MAGI2: variants seen among roughly 807,000 people sequenced by gnomAD.
The protein encoded by MAGI2 is membrane associated guanylate kinase, WW and PDZ domain containing 2, also known as membrane-associated guanylate kinase, WW and PDZ domain-containing protein 2.
Under a neutral mutation model 133.3 loss-of-function variants are expected in MAGI2, and 35 were observed. The ratio of observed to expected loss-of-function variants is 0.26; its 90% CI spans 0.20 to 0.35. MAGI2 has a LOEUF of 0.35. Ranked by LOEUF, MAGI2 falls within the 10% of genes least tolerant of loss-of-function variation. The pLI is 1.00. For missense variants in MAGI2, 1,636 were observed against 1,863.4 expected (o/e 0.88, Z 2.25); for synonymous variants, 729 against 710.6 (o/e 1.03, Z -0.41).
intron 20 of MAGI2, among the ~76,000 whole-genome samples, chr7:78,119,087 A>C (rs1187600396): frequency 6.6e-6 from 1 of 152,240 alleles, no homozygotes; most frequent in Non-Finnish European, 1.5e-5. Flanking sequence ...GATTCCAACT[A>C]TATGACATGG....
At chr7:78,869,213 A>C (rs1377456608) in intron 2 of MAGI2, among the ~76,000 whole-genome samples, 7 of 152,112 alleles carry the variant, frequency 4.6e-5, no homozygotes, top group African/African-American at 1.7e-4. Flanking sequence ...GCTGTGCAGA[A>C]GCTTTTTAGT....
intron 18 of MAGI2, among the ~76,000 whole-genome samples, chr7:78,132,553 ATACT>A (rs1325605026): frequency 1.3e-5 from 2 of 152,238 alleles, no homozygotes; most frequent in Non-Finnish European, 2.9e-5. Flanking sequence ...TCCATCGTGC[ATACT>A]GCAGGCTTGC....
At chr7:78,972,135 T>C (rs997639565) in intron 2 of MAGI2, among the ~76,000 whole-genome samples, 1 of 151,942 alleles carries the variant, frequency 6.6e-6, no homozygotes, top group African/African-American at 2.4e-5. Flanking sequence ...AAATAGCATA[T>C]AATTTTCAGT....
intron 9 of MAGI2, among the ~76,000 whole-genome samples, chr7:78,341,161 C>T (rs1217255925): frequency 6.6e-6 from 1 of 152,042 alleles, no homozygotes; most frequent in Non-Finnish European, 1.5e-5. Flanking sequence ...TTCCTATACA[C>T]CAATAATAGA....
chr7:78,288,729 C>G (rs374202215), intron 9 of MAGI2, among the ~76,000 whole-genome samples: 1 of 152,164 alleles, frequency 6.6e-6, no homozygotes, highest in Non-Finnish European at 1.5e-5. Context: ...CTCGTGCAGC[C>G]GGGTGCCCCT....
At chr7:79,395,113 T>A (rs1468841979) in intron 1 of MAGI2, among the ~76,000 whole-genome samples, 2 of 152,190 alleles carry the variant, frequency 1.3e-5, no homozygotes, top group Non-Finnish European at 2.9e-5. Context: ...CAGCTTCTTT[T>A]AATGGGTTAT....
rs74514103 is a variant in MAGI2, at chr7:78,816,342, G to A, written c.419-189103C>T. 7.7e-3 allele frequency among the ~76,000 whole-genome samples: 1,180 copies of A among 152,318 alleles called. 40 individuals carry two copies. The highest frequency in any genetic ancestry group is 0.051 in the Admixed American group (775 of 15,302). ...TCAAGGTAAAGCACCAAGTGCCGAT[G>A]TAAAGCTGTAGCAAGTTACTCAAGT... On this transcript the variant is annotated intron_variant, in intron 2 of 21. Coordinates refer to ENST00000354212, the MANE Select transcript of MAGI2 (RefSeq NM_012301.4).
At chr7:79,210,193 A>T (rs1442753172) in intron 1 of MAGI2, among the ~76,000 whole-genome samples, 1 of 152,104 alleles carries the variant, frequency 6.6e-6, no homozygotes, top group African/African-American at 2.4e-5. Flanking sequence ...TACAAAGAAA[A>T]AATGGATGAG....
chr7:78,225,251 G>T (rs936380985), intron 10 of MAGI2, among the ~76,000 whole-genome samples: 2 of 152,304 alleles, frequency 1.3e-5, no homozygotes, highest in East Asian at 3.9e-4. Context: ...TTGCCTCTCA[G>T]ACCATTGCTA....
intron 3 of MAGI2, among the ~76,000 whole-genome samples, chr7:78,549,561 A>G (rs1021374578): frequency 6.6e-6 from 1 of 152,090 alleles, no homozygotes; most frequent in African/African-American, 2.4e-5. Flanking sequence ...ATAGTGCTCC[A>G]TGGAGTGCTC....
chr7:78,023,860 C>T (rs145677286), intron 21 of MAGI2, among the ~76,000 whole-genome samples: 5 of 152,184 alleles, frequency 3.3e-5, no homozygotes, highest in Non-Finnish European at 5.9e-5. Context: ...AACAATACAA[C>T]GATTAAAGGT....
chr7:78,663,887 T>G (rs1253328184), intron 2 of MAGI2, among the ~76,000 whole-genome samples: 2 of 152,242 alleles, frequency 1.3e-5, no homozygotes, highest in Admixed American at 6.5e-5. Context: ...CAAAATTTAT[T>G]CTGATATTCC....
At chr7:79,258,330 C>A (rs542333757) in intron 1 of MAGI2, among the ~76,000 whole-genome samples, 1 of 152,326 alleles carries the variant, frequency 6.6e-6, no homozygotes, top group East Asian at 1.9e-4. Context: ...AATAAATCTT[C>A]TGGGATAGTC....
intron 6 of MAGI2, among the ~76,000 whole-genome samples, chr7:78,447,065 C>G (rs917385132): frequency 2.0e-5 from 3 of 151,892 alleles, no homozygotes; most frequent in Non-Finnish European, 4.4e-5. Flanking sequence ...GTAGCACTGC[C>G]CAGGGAGAGA....
At chr7:79,351,036 T>G (rs375192288) in intron 1 of MAGI2, among the ~76,000 whole-genome samples, 1 of 152,268 alleles carries the variant, frequency 6.6e-6, no homozygotes, top group African/African-American at 2.4e-5. Flanking sequence ...CCTACATACC[T>G]AAAGAGTATC....
intron 3 of MAGI2, among the ~76,000 whole-genome samples, chr7:78,589,071 A>T (rs1803713271): frequency 6.6e-6 from 1 of 152,136 alleles, no homozygotes; most frequent in Non-Finnish European, 1.5e-5. Flanking sequence ...CTCAAAAAGA[A>T]TTGCTATTGT....
At chr7:78,827,481 T>C (rs1790767391) in intron 2 of MAGI2, among the ~76,000 whole-genome samples, 1 of 152,126 alleles carries the variant, frequency 6.6e-6, no homozygotes, top group South Asian at 2.1e-4. Context: ...TCTTGTATGT[T>C]GCCTAGGCTA....
intron 2 of MAGI2, among the ~76,000 whole-genome samples, chr7:78,926,823 G>C (rs1799729308): frequency 6.6e-6 from 1 of 151,552 alleles, no homozygotes; most frequent in African/African-American, 2.4e-5. Flanking sequence ...GTTTGGTGGG[G>C]AAAAGGTTTT....
At chr7:79,028,243 A>ATG (rs1810127145) in intron 1 of MAGI2, among the ~76,000 whole-genome samples, 6 of 48,586 alleles carry the variant, frequency 1.2e-4, no homozygotes, top group African/African-American at 3.9e-4. Flanking sequence ...ATGTATATAT[A>ATG]TATATATATA....
Sources: allele counts gnomAD v4.1 joint callset (sites outside exome capture counted in the v4.1 genomes callset), GRCh38; gene constraint gnomAD v4.1.1; transcripts MANE v1.5; gene names NCBI Gene and HGNC (gene_info 2026-07-23, HGNC 2026-07-21).